The following ANKRD30BL variants were observed in gnomAD, a reference collection of about 807,000 sequenced individuals.
ANKRD30BL encodes ankyrin repeat domain 30B like.
ANKRD30BL carries 20 observed loss-of-function variants against 18.4 expected under a neutral mutation model. That is an observed-to-expected ratio of 1.09 (90% CI 0.77 to 1.58). The LOEUF is 1.58. Ranked by LOEUF, ANKRD30BL falls within the 40% of genes most tolerant of loss-of-function variation. ANKRD30BL has a pLI of 0.00. For synonymous variants in ANKRD30BL, 72 were observed against 100.9 expected, an observed-to-expected ratio of 0.71 and a Z score of 1.72; for missense variants, 224 against 268.6, an observed-to-expected ratio of 0.83 and a Z score of 1.16.
intron 1 of ANKRD30BL, among the ~76,000 whole-genome samples, chr2:132,190,994 C>T (rs1678836249): frequency 6.6e-6 from 1 of 152,054 alleles, no homozygotes; most frequent in African/African-American, 2.4e-5. Flanking sequence ...ACTTTCAATA[C>T]AATAAAATAC....
intron 1 of ANKRD30BL, 78 bp from the exon 2 acceptor site, chr2:132,157,501 A>T: frequency 2.1e-6 from 1 of 472,010 alleles, no homozygotes; most frequent in Non-Finnish European, 3.9e-6. Flanking sequence ...AATTGTCAAC[A>T]TTAAATACCA....
At chr2:132,245,237 T>C (rs370786755) in intron 1 of ANKRD30BL, among the ~76,000 whole-genome samples, 1 of 96,934 alleles carries the variant, frequency 1.0e-5, no homozygotes, top group Admixed American at 9.6e-5. Flanking sequence ...GATGTTTGGA[T>C]AACTTTGAGG....
chr2:132,246,961 T>C (rs1312605803), intron 1 of ANKRD30BL, among the ~76,000 whole-genome samples: 2 of 151,416 alleles, frequency 1.3e-5, no homozygotes, highest in Non-Finnish European at 3.0e-5. Flanking sequence ...CAGGATTTCA[T>C]TGGAAACGGG....
At chr2:132,205,553 A>G (rs1193263458) in intron 1 of ANKRD30BL, among the ~76,000 whole-genome samples, 2 of 151,622 alleles carry the variant, frequency 1.3e-5, no homozygotes, top group African/African-American at 4.9e-5. Context: ...GTGAGCTGAG[A>G]TCACACTGTT....
At chr2:132,190,738 C>A (rs1012232289) in intron 1 of ANKRD30BL, among the ~76,000 whole-genome samples, 1 of 152,164 alleles carries the variant, frequency 6.6e-6, no homozygotes, top group African/African-American at 2.4e-5. Context: ...AGCTGATTGC[C>A]AGTTACACAT....
chr2:132,178,662 A>T (rs1395176148), intron 1 of ANKRD30BL, among the ~76,000 whole-genome samples: 1 of 152,068 alleles, frequency 6.6e-6, no homozygotes, highest in African/African-American at 2.4e-5. Flanking sequence ...ACAAAGTGAG[A>T]TATTTATGCT....
At chr2:132,231,180 T>C (rs1280658655) in intron 1 of ANKRD30BL, among the ~76,000 whole-genome samples, 14 of 152,160 alleles carry the variant, frequency 9.2e-5, no homozygotes. Context: ...CATAGAAGCA[T>C]TCTCAGAAAC....
In ANKRD30BL at chr2:132,223,519, T is replaced by C. The variant is rs1270430259; in HGVS notation, n.441+34010A>G. ...TGATATTTGTATTCAACTCACAGAG[T>C]TGAACATAACATTTCATTGAGCAGT... On this transcript the variant is annotated intron_variant and non_coding_transcript_variant, in intron 1 of 4. Coordinates refer to the ANKRD30BL transcript ENST00000470729. Among the ~76,000 whole-genome samples the C allele has an allele frequency of 2.6e-5, 4 of 151,978 alleles. No homozygotes were observed. In the East Asian group the frequency reaches 7.8e-4, roughly 29 times the overall value.
intron 1 of ANKRD30BL, among the ~76,000 whole-genome samples, chr2:132,214,298 C>A (rs377579261): frequency 5.1e-4 from 77 of 152,010 alleles, no homozygotes; most frequent in South Asian, 1.5e-3. Context: ...ATTTAGAGAG[C>A]TTTGAGGCCT....
At chr2:132,235,025 G>A (rs949912799) in intron 1 of ANKRD30BL, among the ~76,000 whole-genome samples, 2 of 152,096 alleles carry the variant, frequency 1.3e-5, no homozygotes, top group Admixed American at 6.6e-5. Flanking sequence ...TGCAAGGCTG[G>A]TTCAATATAC....
At position 132,198,485 on chromosome 2, in the gene ANKRD30BL, C is replaced by T. The variant is rs192505291; in HGVS notation, n.442-41339G>A. 1.4e-3 allele frequency among the ~76,000 whole-genome samples: 215 copies of T among 151,622 alleles called. 4 individuals are homozygous for T. In the East Asian group the frequency reaches 0.037, roughly 26 times the overall value. On this transcript the variant is annotated intron_variant and non_coding_transcript_variant, in intron 1 of 4. Coordinates refer to the ANKRD30BL transcript ENST00000470729. ...ACTACAGGCATCCGCCACCATGCCCCGCTAATTTTTTGCATCTTCAGTAGA... is the reference window on the plus strand; with the variant it reads ...ACTACAGGCATCCGCCACCATGCCCTGCTAATTTTTTGCATCTTCAGTAGA...
chr2:132,168,742 C>G (rs1688227953), intron 1 of ANKRD30BL, among the ~76,000 whole-genome samples: 1 of 151,986 alleles, frequency 6.6e-6, no homozygotes, highest in African/African-American at 2.4e-5. Flanking sequence ...CACATAGACA[C>G]ACACAGAGAA....
chr2:132,149,268 A>G (rs1430843267), intron 5 of ANKRD30BL, among the ~76,000 whole-genome samples: 2 of 152,220 alleles, frequency 1.3e-5, no homozygotes, highest in African/African-American at 4.8e-5. Flanking sequence ...AGCTAGTTTT[A>G]TATTTATAAT....
chr2:132,209,436 C>T (rs796445205), intron 1 of ANKRD30BL, among the ~76,000 whole-genome samples: 2 of 104,600 alleles, frequency 1.9e-5, no homozygotes, highest in East Asian at 3.1e-4. Context: ...GATTGAGCAG[C>T]TTTGAAACAC....
chr2:132,202,835 C>T (rs927115136), intron 1 of ANKRD30BL, among the ~76,000 whole-genome samples: 4 of 152,110 alleles, frequency 2.6e-5, no homozygotes, highest in Non-Finnish European at 5.9e-5. Context: ...AGAACAGAGA[C>T]GACATCGGAA....
At chr2:132,191,549 A>G (rs1678849601) in intron 1 of ANKRD30BL, among the ~76,000 whole-genome samples, 1 of 151,998 alleles carries the variant, frequency 6.6e-6, no homozygotes, top group Non-Finnish European at 1.5e-5. Flanking sequence ...CAGAATTGAC[A>G]TTTTTTGGAT....
intron 1 of ANKRD30BL, among the ~76,000 whole-genome samples, chr2:132,203,280 T>C (rs1025476330): frequency 1.3e-5 from 2 of 152,280 alleles, no homozygotes; most frequent in African/African-American, 2.4e-5. Context: ...TTAGGGATCT[T>C]CTTTATAAAA....
At chr2:132,191,190 A>T (rs550601288) in intron 1 of ANKRD30BL, among the ~76,000 whole-genome samples, 1 of 152,332 alleles carries the variant, frequency 6.6e-6, no homozygotes, top group South Asian at 2.1e-4. Flanking sequence ...CTTTTATAAT[A>T]TACCTACTGT....
intron 1 of ANKRD30BL, among the ~76,000 whole-genome samples, chr2:132,242,135 C>T (rs1308255820): frequency 6.6e-6 from 1 of 150,684 alleles, no homozygotes; most frequent in African/African-American, 2.4e-5. Context: ...AACCACTCTT[C>T]TTGTAGAATT....
Sources: gnomAD v4.1 joint callset for allele counts (sites outside exome capture counted in the v4.1 genomes callset) on GRCh38, gnomAD v4.1.1 for gene constraint, MANE v1.5 for transcripts, NCBI Gene and HGNC (gene_info 2026-07-23, HGNC 2026-07-21) for gene names.